The following DLG2 variants were observed in gnomAD, a reference collection of about 807,000 sequenced individuals.
The protein encoded by DLG2 is disks large homolog 2.
Under a neutral mutation model 132.5 loss-of-function variants are expected in DLG2, and 45 were observed. That is an observed-to-expected ratio of 0.34 (90% CI 0.27 to 0.44). The LOEUF (loss-of-function observed/expected upper bound fraction) is 0.44. DLG2 is among the 20% of genes least tolerant of loss of function. The pLI, the probability that DLG2 is intolerant of heterozygous loss-of-function variation, is 1.00. For missense variants in DLG2, 1,045 were observed against 1,196.9 expected (o/e 0.87, Z 1.87); for synonymous variants, 424 against 419.6 (o/e 1.01, Z -0.13).
At chr11:84,027,883 A>C (rs1280949840) in intron 11 of DLG2, among the ~76,000 whole-genome samples, 1 of 152,084 alleles carries the variant, frequency 6.6e-6, no homozygotes, top group Non-Finnish European at 1.5e-5. Flanking sequence ...TTTTTCAATA[A>C]AATGTTTGTA....
At chr11:84,996,197 TTTTA>T (rs1471722552) in intron 6 of DLG2, among the ~76,000 whole-genome samples, 1 of 152,140 alleles carries the variant, frequency 6.6e-6, no homozygotes, top group Non-Finnish European at 1.5e-5. Flanking sequence ...GTGAGTTTGT[TTTTA>T]TTTATTTATC....
chr11:84,806,523 T>G (rs1462518555), intron 6 of DLG2, among the ~76,000 whole-genome samples: 1 of 152,162 alleles, frequency 6.6e-6, no homozygotes, highest in Non-Finnish European at 1.5e-5. Context: ...TATATGGAAG[T>G]GATACAATAT....
intron 7 of DLG2, among the ~76,000 whole-genome samples, chr11:84,457,573 C>A (rs183499923): frequency 1.3e-5 from 2 of 150,910 alleles, no homozygotes; most frequent in African/African-American, 4.8e-5. Flanking sequence ...TTTTAGTAAG[C>A]TTTCATGCAG....
At chr11:83,870,832 C>T (rs1191502437) in intron 16 of DLG2, among the ~76,000 whole-genome samples, 2 of 152,168 alleles carry the variant, frequency 1.3e-5, no homozygotes, top group Admixed American at 6.5e-5. Context: ...CTGCTCTTTG[C>T]TGAGCTGTAG....
chr11:83,657,605 C>CTCGGCTCA (rs1202820218), intron 18 of DLG2, among the ~76,000 whole-genome samples: 13 of 131,470 alleles, frequency 9.9e-5, no homozygotes, highest in Admixed American at 4.4e-4. Flanking sequence ...GTGGCGCGAT[C>CTCGGCTCA]TCGGCTCACT....
rs145121314 is a variant in DLG2 at position 83,566,947 on chromosome 11, A to C, written c.1941-25089T>G. ...AGTAAGTGCTATTATGATCACTAGA[A>C]AGTACACAAATTTATTTTAGTGCTG... On this transcript the variant is annotated intron_variant, in intron 19 of 27. Transcript: ENST00000376104. 9.4e-3 allele frequency among the ~76,000 whole-genome samples: 1,427 copies of C among 152,288 alleles called. 15 individuals carry two copies. The highest frequency in any genetic ancestry group is 0.033 in the African/African-American group (1,358 of 41,556).
At chr11:84,572,097 T>C (rs1232043961) in intron 6 of DLG2, among the ~76,000 whole-genome samples, 1 of 152,054 alleles carries the variant, frequency 6.6e-6, no homozygotes, top group Non-Finnish European at 1.5e-5. Context: ...CTTTAAGTTT[T>C]AGGGTACATG....
intron 6 of DLG2, among the ~76,000 whole-genome samples, chr11:84,728,479 G>A (rs2062766171): frequency 6.6e-6 from 1 of 152,094 alleles, no homozygotes; most frequent in African/African-American, 2.4e-5. Flanking sequence ...ATGTGCTGCT[G>A]GATTTGGTTT....
chr11:84,797,396 T>C (rs1396496490), intron 6 of DLG2, among the ~76,000 whole-genome samples: 2 of 152,210 alleles, frequency 1.3e-5, no homozygotes, highest in African/African-American at 2.4e-5. Flanking sequence ...TTCTACATCT[T>C]AGGCATGCTT....
At chr11:84,384,742 CA>C (rs1019011111) in intron 7 of DLG2, among the ~76,000 whole-genome samples, 2 of 151,768 alleles carry the variant, frequency 1.3e-5, no homozygotes, top group African/African-American at 4.8e-5. Flanking sequence ...AGTATCTGCC[CA>C]AAAAACCTAA....
At chr11:84,583,075 G>A (rs1245826931) in intron 6 of DLG2, among the ~76,000 whole-genome samples, 2 of 152,146 alleles carry the variant, frequency 1.3e-5, no homozygotes, top group African/African-American at 4.8e-5. Context: ...CTAACCTGAT[G>A]ATTTTGTCAT....
In DLG2 at chr11:85,154,617, G is replaced by C. The variant is rs550659978; in HGVS notation, c.221C>G (p.Ser74Ter). 6.5e-7 allele frequency: 1 copy of C among 1,536,402 alleles called. No homozygotes were observed. Among genetic ancestry groups the C allele is most frequent in the African/African-American group, 1.4e-5 (1 of 72,790 alleles). ...ATTTTCTTTATTTTGCTCAATACAT[G>C]AAGCATTTTCCTTTGATCCACTGCA... ...TDCSGSKENA[S>*]CIEQNKENQS... The change falls in exon 5 of 28, where the codon TCA (serine) becomes TGA (stop). Residue 74 changes from serine to a stop codon, truncating the protein, a stop_gained. Transcript: ENST00000376104. LOFTEE classifies it high-confidence loss of function.
chr11:83,854,332 T>A (rs994629477), intron 16 of DLG2, among the ~76,000 whole-genome samples: 3 of 152,116 alleles, frequency 2.0e-5, no homozygotes, highest in Non-Finnish European at 4.4e-5. Context: ...TTTAGTGCAA[T>A]CCCAATCAAA....
chr11:84,207,081 C>CTCTATATATATATATA (rs148707321), intron 8 of DLG2, among the ~76,000 whole-genome samples: 1 of 146,904 alleles, frequency 6.8e-6, no homozygotes, highest in South Asian at 2.2e-4. Flanking sequence ...CTCTCTCTCT[C>CTCTATATATATATATA]TATATATATA....
At chr11:84,962,210 G>C (rs905721268) in intron 6 of DLG2, among the ~76,000 whole-genome samples, 1 of 152,168 alleles carries the variant, frequency 6.6e-6, no homozygotes, top group Non-Finnish European at 1.5e-5. Context: ...TCATAGAAAA[G>C]AAAACTGAAA....
intron 6 of DLG2, among the ~76,000 whole-genome samples, chr11:84,992,852 T>C (rs1289039554): frequency 6.6e-6 from 1 of 152,190 alleles, no homozygotes; most frequent in East Asian, 1.9e-4. Context: ...TCTGTCATTG[T>C]GGAAGACAGT....
At chr11:84,433,017 C>T (rs1444236192) in intron 7 of DLG2, among the ~76,000 whole-genome samples, 3 of 152,038 alleles carry the variant, frequency 2.0e-5, no homozygotes, top group Admixed American at 1.3e-4. Flanking sequence ...GAGTGAGGCC[C>T]TGTCAAAAAA....
intron 17 of DLG2, among the ~76,000 whole-genome samples, chr11:83,817,990 C>A (rs549144998): frequency 2.0e-5 from 3 of 152,278 alleles, no homozygotes; most frequent in South Asian, 4.1e-4. Flanking sequence ...TTTTATCACA[C>A]AAAGTTCTCT....
intron 18 of DLG2, among the ~76,000 whole-genome samples, chr11:83,721,755 A>T (rs1355630981): frequency 1.3e-5 from 2 of 152,366 alleles, no homozygotes; most frequent in East Asian, 1.9e-4. Flanking sequence ...CTCAACGCTC[A>T]TTGAGAAATT....
Sources: allele counts gnomAD v4.1 joint callset (sites outside exome capture counted in the v4.1 genomes callset), GRCh38; gene constraint gnomAD v4.1.1; transcripts MANE v1.5; gene names NCBI Gene and HGNC (gene_info 2026-07-23, HGNC 2026-07-21).